The following AGL variants were observed in gnomAD, a reference collection of about 807,000 sequenced individuals.
The protein encoded by AGL is glycogen debranching enzyme.
AGL carries 128 observed loss-of-function variants against 199.3 expected under a neutral mutation model. That is an observed-to-expected ratio of 0.64 (90% confidence interval 0.56 to 0.74). The LOEUF (loss-of-function observed/expected upper bound fraction) is 0.74, where lower values mean the gene tolerates loss of function less well. Among genes scored for constraint, AGL ranks in the 30% least tolerant of loss-of-function variants. The pLI is 0.00. For missense variants in AGL, 1,809 were observed against 1,820.8 expected (o/e 0.99, Z 0.12); for synonymous variants, 584 against 594.7 (o/e 0.98, Z 0.26).
At chr1:99,862,839 G>A (rs1301873310) in intron 4 of AGL, among the ~76,000 whole-genome samples, 7 of 152,096 alleles carry the variant, frequency 4.6e-5, no homozygotes, top group Non-Finnish European at 7.4e-5. Flanking sequence ...ATTACAATTC[G>A]AATGAGATTT....
At position 99,912,494 on chromosome 1, in the gene AGL, A is replaced by G; in HGVS notation, c.3926A>G (p.His1309Arg). The G allele has an allele frequency of 1.2e-6, 2 of 1,613,362 alleles. No individual in the cohort carries two copies. The highest frequency in any genetic ancestry group is 1.7e-6 in the Non-Finnish European group (2 of 1,179,452). ...ELSKKNIFPYHEVTVKRHGKA... is the reference protein window; with the variant it reads ...ELSKKNIFPYREVTVKRHGKA... ...TCCAAAAAAAATATTTTCCCTTATC[A>G]TGAAGTCACAGTAAAAAGACATGGT... Residue 1309 changes from histidine to arginine, a missense_variant, in exon 29 of 34, where the codon CAT becomes CGT. Coordinates refer to ENST00000361915, the MANE Select transcript of AGL (RefSeq NM_000642.3).
chr1:99,915,538 T>A, intron 31 of AGL, 52 bp downstream of exon 31: 1 of 1,428,692 alleles, frequency 7.0e-7, no homozygotes, highest in South Asian at 1.2e-5. Flanking sequence ...TCCAAATACA[T>A]TGACATCAAC....
intron 5 of AGL, among the ~76,000 whole-genome samples, chr1:99,866,339 G>A (rs568355740): frequency 6.6e-6 from 1 of 152,168 alleles, no homozygotes; most frequent in South Asian, 2.1e-4. Context: ...GGACTAGGAT[G>A]GTAGTTCAGT....
chr1:99,874,945 C>T, intron 8 of AGL, 135 bp downstream of exon 8: 2 of 1,208,704 alleles, frequency 1.7e-6, no homozygotes, highest in African/African-American at 1.5e-5. Flanking sequence ...TCTACTATTT[C>T]AGCACATGAC....
chr1:99,876,064 G>A (rs549804415), intron 10 of AGL, among the ~76,000 whole-genome samples: 6 of 152,090 alleles, frequency 3.9e-5, no homozygotes, highest in African/African-American at 1.2e-4. Flanking sequence ...TAGTAGAGAC[G>A]GGGTTTCCCC....
At chr1:99,899,301 C>G (rs1653601697) in intron 25 of AGL, among the ~76,000 whole-genome samples, 1 of 152,094 alleles carries the variant, frequency 6.6e-6, no homozygotes, top group African/African-American at 2.4e-5. Flanking sequence ...ATTTCCAAGG[C>G]CACACAGATG....
intron 27 of AGL, among the ~76,000 whole-genome samples, chr1:99,908,210 A>AT (rs34057901): frequency 0.023 from 3,456 of 147,254 alleles, 43 homozygotes; most frequent in East Asian, 0.036. Flanking sequence ...GTCCAAGTCC[A>AT]TTTTTTTTTT....
At chr1:99,878,545 A>G (rs1325882937) in intron 12 of AGL, among the ~76,000 whole-genome samples, 3 of 152,050 alleles carry the variant, frequency 2.0e-5, no homozygotes, top group Non-Finnish European at 4.4e-5. Flanking sequence ...TCTATCTAAT[A>G]CAATCTTTGT....
chr1:99,862,406 G>A lies in AGL; in HGVS notation c.443G>A (p.Arg148Lys), dbSNP rs542885983. Residue 148 changes from arginine (R) to lysine (K), a missense_variant, in exon 4 of 34, where the codon AGG (arginine) becomes AAG (lysine). Arg to Lys is a conservative substitution (Grantham distance 26, BLOSUM62 2). Coordinates refer to ENST00000361915, the MANE Select transcript of AGL (RefSeq NM_000642.3). Reference sequence around the variant, plus strand: ...TTTGATGAATGGGAAAGCAGACTTAGGGTTGCAAAAGAATCAGGTAATGTC... The same window carrying A: ...TTTGATGAATGGGAAAGCAGACTTAAGGTTGCAAAAGAATCAGGTAATGTC... ...GPFDEWESRL[R>K]VAKESGYNMI... 1.5e-4 allele frequency: 243 copies of A among 1,614,036 alleles called. 1 individual carries two copies. In the South Asian group the frequency reaches 2.5e-3, roughly 17 times the overall value.
At chr1:99,856,419 CTT>C (rs1649463710) in intron 2 of AGL, among the ~76,000 whole-genome samples, 1 of 144,150 alleles carries the variant, frequency 6.9e-6, no homozygotes, top group African/African-American at 2.6e-5. Flanking sequence ...TCCTTCTTCC[CTT>C]TCTTTTCTTT....
intron 2 of AGL, among the ~76,000 whole-genome samples, chr1:99,853,281 T>C (rs1289224877): frequency 1.3e-5 from 2 of 152,238 alleles, no homozygotes; most frequent in Non-Finnish European, 2.9e-5. Context: ...ATTAATGTCA[T>C]AGATCTTTAC....
At chr1:99,887,863 C>G (rs889867983) in intron 20 of AGL, 115 bp from the exon 21 acceptor site, 13 of 1,222,932 alleles carry the variant, frequency 1.1e-5, no homozygotes, top group Admixed American at 1.9e-5. Context: ...TGCTGAGTTC[C>G]TAAAACATAC....
intron 7 of AGL, among the ~76,000 whole-genome samples, chr1:99,873,549 C>T (rs1343265798): frequency 1.1e-4 from 16 of 152,012 alleles, no homozygotes; most frequent in Admixed American, 1.0e-3. Flanking sequence ...ATTCTCCTGC[C>T]TCAGCCTCCC....
chr1:99,863,378 A>T (rs140300931), intron 4 of AGL, among the ~76,000 whole-genome samples: 2,304 of 152,344 alleles, frequency 0.015, 33 homozygotes, highest in Middle Eastern at 0.088. Context: ...GAAATAAGCT[A>T]TTGAAAAGTG....
chr1:99,893,605 T>C (rs1403622031), intron 24 of AGL, among the ~76,000 whole-genome samples: 1 of 152,212 alleles, frequency 6.6e-6, no homozygotes, highest in Non-Finnish European at 1.5e-5. Flanking sequence ...TTTGATTGTG[T>C]ACTGCTGTTG....
chr1:99,906,727 C>A (rs960127558), intron 27 of AGL, among the ~76,000 whole-genome samples: 2 of 152,192 alleles, frequency 1.3e-5, no homozygotes, highest in Non-Finnish European at 2.9e-5. Flanking sequence ...TTTTTCAAGG[C>A]TGCATAATAT....
rs763847081 is a variant in AGL at position 99,916,490 on chromosome 1, A to G, written c.4340A>G (p.Gln1447Arg). ...CTTGCTAAAGGTTTCAATTATCACCAAGGACCTGTAAGAATTTCATTTATC... is the reference window on the plus strand; with the variant it reads ...CTTGCTAAAGGTTTCAATTATCACCGAGGACCTGTAAGAATTTCATTTATC... ...YNLAKGFNYH[Q>R]GPEWLWPIGY... Residue 1447 changes from glutamine (Q) to arginine (R), a missense_variant, in exon 32 of 34, where the codon CAA becomes CGA. Coordinates refer to ENST00000361915, the MANE Select transcript of AGL (RefSeq NM_000642.3). 5 of 1,609,796 alleles carry G rather than the reference A, an allele frequency of 3.1e-6. No homozygotes were observed.
intron 29 of AGL, 68 bp from the exon 30 acceptor site, chr1:99,913,459 T>A: frequency 7.9e-7 from 1 of 1,269,900 alleles, no homozygotes; most frequent in East Asian, 2.4e-5. Flanking sequence ...ATATTACTAT[T>A]TGTCTGTAAC....
At chr1:99,881,054 C>T (rs1420231814) in intron 14 of AGL, 22 bp from the exon 15 acceptor site, 1 of 1,595,670 alleles carries the variant, frequency 6.3e-7, no homozygotes, top group Non-Finnish European at 8.6e-7. Flanking sequence ...CAAACTTTTG[C>T]TTTGTTGTTG....
Sources: allele counts gnomAD v4.1 joint callset (sites outside exome capture counted in the v4.1 genomes callset), GRCh38; gene constraint gnomAD v4.1.1; transcripts MANE v1.5; gene names NCBI Gene and HGNC (gene_info 2026-07-23, HGNC 2026-07-21).